The following CCSER1 variants were observed in gnomAD, a reference collection of about 807,000 sequenced individuals.
The protein encoded by CCSER1 is coiled-coil serine rich protein 1, also known as serine-rich coiled-coil domain-containing protein 1.
CCSER1 carries 41 observed loss-of-function variants against 82.0 expected under a neutral mutation model. The observed-to-expected ratio is 0.50, with a 90% confidence interval of 0.39 to 0.65. The LOEUF (loss-of-function observed/expected upper bound fraction) is 0.65, where lower values mean the gene tolerates loss of function less well. Ranked by LOEUF, CCSER1 falls within the 30% of genes least tolerant of loss-of-function variation. CCSER1 has a pLI of 0.00. For missense variants in CCSER1, 1,119 were observed against 1,064.2 expected (o/e 1.05, Z -0.72); for synonymous variants, 414 against 383.9 (o/e 1.08, Z -0.92).
intron 10 of CCSER1, among the ~76,000 whole-genome samples, chr4:91,266,936 T>G (rs375924949): frequency 6.6e-6 from 1 of 152,232 alleles, no homozygotes; most frequent in African/African-American, 2.4e-5. Flanking sequence ...CTGAATATTT[T>G]GCATGCCTGA....
intron 9 of CCSER1, among the ~76,000 whole-genome samples, chr4:90,943,012 T>C (rs1321245892): frequency 2.0e-5 from 3 of 150,918 alleles, no homozygotes; most frequent in African/African-American, 7.3e-5. Context: ...AAGCAGTAAC[T>C]GAAACTTTGA....
intron 5 of CCSER1, among the ~76,000 whole-genome samples, chr4:90,619,166 CTAGCAA>C (rs1721841050): frequency 6.6e-6 from 1 of 151,892 alleles, no homozygotes; most frequent in Non-Finnish European, 1.5e-5. Context: ...AACTGAACTT[CTAGCAA>C]ATTTTGAAAG....
intron 10 of CCSER1, among the ~76,000 whole-genome samples, chr4:91,261,947 A>G (rs1015241444): frequency 2.0e-5 from 3 of 152,156 alleles, no homozygotes; most frequent in Non-Finnish European, 4.4e-5. Flanking sequence ...ATAACTGTGC[A>G]TGGTAGATTT....
chr4:90,762,661 C>A (rs1216856995), intron 7 of CCSER1, among the ~76,000 whole-genome samples: 1 of 152,054 alleles, frequency 6.6e-6, no homozygotes, highest in Non-Finnish European at 1.5e-5. Context: ...AGATAAAAGC[C>A]CCAAATCCTT....
chr4:91,367,533 ACT>A (rs1490292697), intron 10 of CCSER1, among the ~76,000 whole-genome samples: 1 of 149,226 alleles, frequency 6.7e-6, no homozygotes, highest in Non-Finnish European at 1.5e-5. Context: ...TCTTTTCTGG[ACT>A]CTCTGGAATT....
chr4:91,133,021 C>G (rs1728138582), intron 10 of CCSER1, among the ~76,000 whole-genome samples: 1 of 152,136 alleles, frequency 6.6e-6, no homozygotes, highest in Admixed American at 6.6e-5. Flanking sequence ...GAAACAAATT[C>G]ATTAGCATAG....
chr4:90,333,873 T>G (rs942156147), intron 3 of CCSER1, among the ~76,000 whole-genome samples: 2 of 152,178 alleles, frequency 1.3e-5, no homozygotes, highest in African/African-American at 4.8e-5. Flanking sequence ...AGGACAATTA[T>G]CAATTACTAG....
At chr4:91,540,893 C>T (rs970608188) in intron 10 of CCSER1, among the ~76,000 whole-genome samples, 3 of 152,082 alleles carry the variant, frequency 2.0e-5, no homozygotes, top group South Asian at 2.1e-4. Context: ...CTCAGTTACA[C>T]GCCATTTATC....
At chr4:91,045,901 G>A (rs996745849) in intron 9 of CCSER1, among the ~76,000 whole-genome samples, 5 of 139,196 alleles carry the variant, frequency 3.6e-5, no homozygotes, top group Non-Finnish European at 7.9e-5. Flanking sequence ...AGCAAAGGGA[G>A]ATAGGGGTGG....
chr4:91,388,983 C>A (rs1751483167), intron 10 of CCSER1, among the ~76,000 whole-genome samples: 1 of 151,958 alleles, frequency 6.6e-6, no homozygotes, highest in South Asian at 2.1e-4. Context: ...TTTTGAATAA[C>A]AATCTTTTAT....
Position 90,172,557 on chromosome 4 carries a change from C to T in CCSER1, c.-42+44726C>T, listed in dbSNP as rs371456538. 2.8e-4 allele frequency among the ~76,000 whole-genome samples: 43 copies of T among 151,834 alleles called. 1 individual carries two copies. Among genetic ancestry groups the T allele is most frequent in the African/African-American group, 9.9e-4 (41 of 41,450 alleles). ...CATTTAATCTGAATAACAACCATATCAGAAGTATAGTATAATTAATTTCAT... is the reference window on the plus strand; with the variant it reads ...CATTTAATCTGAATAACAACCATATTAGAAGTATAGTATAATTAATTTCAT... On this transcript the variant is annotated intron_variant, in intron 1 of 10. Coordinates refer to ENST00000509176, the MANE Select transcript of CCSER1 (RefSeq NM_001145065.2).
chr4:91,398,349 T>C (rs1181547071), intron 10 of CCSER1, among the ~76,000 whole-genome samples: 1 of 151,936 alleles, frequency 6.6e-6, no homozygotes, highest in African/African-American at 2.4e-5. Flanking sequence ...AAATGAAAAC[T>C]GAATTAAAAA....
intron 4 of CCSER1, among the ~76,000 whole-genome samples, chr4:90,424,512 G>A (rs1303776464): frequency 6.6e-6 from 1 of 151,918 alleles, no homozygotes; most frequent in Non-Finnish European, 1.5e-5. Flanking sequence ...ATTGTTTTAT[G>A]CCTATAGATG....
intron 10 of CCSER1, among the ~76,000 whole-genome samples, chr4:91,533,455 G>T (rs1761136701): frequency 6.6e-6 from 1 of 152,116 alleles, no homozygotes; most frequent in Non-Finnish European, 1.5e-5. Flanking sequence ...TCCCAAAGGG[G>T]AGGGGAATAG....
At chr4:91,397,213 A>G (rs561721985) in intron 10 of CCSER1, among the ~76,000 whole-genome samples, 2 of 152,202 alleles carry the variant, frequency 1.3e-5, no homozygotes, top group South Asian at 4.1e-4. Context: ...TAGACTGAGT[A>G]CTACTATGTA....
chr4:90,783,986 A>C (rs1754152158), intron 7 of CCSER1, among the ~76,000 whole-genome samples: 1 of 152,248 alleles, frequency 6.6e-6, no homozygotes, highest in African/African-American at 2.4e-5. Flanking sequence ...AAAAGAAAAA[A>C]AACTCATTAA....
intron 3 of CCSER1, among the ~76,000 whole-genome samples, chr4:90,364,770 T>C (rs1745971301): frequency 6.6e-6 from 1 of 151,894 alleles, no homozygotes; most frequent in Admixed American, 6.6e-5. Context: ...AGGCAGTTAA[T>C]GCCTGAAAAT....
intron 10 of CCSER1, among the ~76,000 whole-genome samples, chr4:91,593,992 AAT>A (rs1764399386): frequency 6.6e-6 from 1 of 152,154 alleles, no homozygotes; most frequent in Non-Finnish European, 1.5e-5. Context: ...AACTTATTAT[AAT>A]GTGCACAGTC....
chr4:90,254,933 T>A (rs1364710688), intron 1 of CCSER1, among the ~76,000 whole-genome samples: 1 of 151,966 alleles, frequency 6.6e-6, no homozygotes. Context: ...AATATCTGTA[T>A]GTTTTTTAAA....
Sources: allele counts gnomAD v4.1 joint callset (sites outside exome capture counted in the v4.1 genomes callset), GRCh38; gene constraint gnomAD v4.1.1; transcripts MANE v1.5; gene names NCBI Gene and HGNC (gene_info 2026-07-23, HGNC 2026-07-21).